Variants in CDS1 observed in about 807,000 individuals in gnomAD.
The protein encoded by CDS1 is phosphatidate cytidylyltransferase 1.
A neutral mutation model predicts 62.1 loss-of-function variants in CDS1; 41 were observed. That is an observed-to-expected ratio of 0.66 (90% CI 0.51 to 0.86). CDS1 has a LOEUF of 0.86. CDS1 is among the 40% of genes least tolerant of loss of function. The probability of loss-of-function intolerance (pLI) is 0.00; values close to 1 mark genes in which losing one functional copy is unlikely to be tolerated. For synonymous variants in CDS1, 185 were observed against 192.6 expected (o/e 0.96, Z 0.32); for missense variants, 470 against 550.1 (o/e 0.85, Z 1.46).
intron 2 of CDS1, among the ~76,000 whole-genome samples, chr4:84,609,043 G>A (rs1017262196): frequency 1.3e-5 from 2 of 151,834 alleles, no homozygotes; most frequent in Admixed American, 1.3e-4. Flanking sequence ...GCCGGGTGTG[G>A]TGGCGGGCAC....
chr4:84,640,802 GTTTTTTGTTT>G, intron 9 of CDS1, 26 bp from the exon 10 acceptor site: 1 of 1,465,766 alleles, frequency 6.8e-7, no homozygotes, highest in Non-Finnish European at 9.1e-7. Context: ...CTTTTGCTTT[GTTTTTTGTTT>G]TGTTTTGTTT....
At chr4:84,602,913 C>T (rs532663648) in intron 1 of CDS1, among the ~76,000 whole-genome samples, 1 of 152,030 alleles carries the variant, frequency 6.6e-6, no homozygotes, top group African/African-American at 2.4e-5. Context: ...ATTTAGGGTA[C>T]GTTGACACAT....
chr4:84,627,138 A>G (rs1723887216), intron 5 of CDS1, among the ~76,000 whole-genome samples: 1 of 152,210 alleles, frequency 6.6e-6, no homozygotes, highest in Non-Finnish European at 1.5e-5. Context: ...CAGTGGTCAA[A>G]TGACTTCAGA....
intron 1 of CDS1, among the ~76,000 whole-genome samples, chr4:84,585,400 C>G (rs1015611956): frequency 2.0e-5 from 3 of 152,164 alleles, no homozygotes; most frequent in Non-Finnish European, 4.4e-5. Flanking sequence ...GAACTTTTGA[C>G]TTGGCAAGCT....
intron 2 of CDS1, among the ~76,000 whole-genome samples, chr4:84,606,063 A>G (rs1235586034): frequency 1.3e-5 from 2 of 151,986 alleles, no homozygotes; most frequent in Non-Finnish European, 2.9e-5. Flanking sequence ...AAACTTTTCT[A>G]CAAAGATTAC....
At position 84,601,933 on chromosome 4, in the gene CDS1, G is replaced by GCATA. The variant is rs58079633; in HGVS notation, c.118-2288_118-2285dup. Reference sequence around the variant, plus strand: ...ATCTCAAATAAATAAATACATACATGCATACATACATACATACATACATAC... The same window carrying GCATA: ...ATCTCAAATAAATAAATACATACATGCATACATACATACATACATACATACATAC... On this transcript the variant is annotated intron_variant, in intron 1 of 12. Coordinates refer to ENST00000295887, the MANE Select transcript of CDS1 (RefSeq NM_001263.4). 3.2e-3 allele frequency among the ~76,000 whole-genome samples: 490 copies of GCATA among 151,284 alleles called. 1 individual carries two copies. The highest frequency in any genetic ancestry group is 9.9e-3 in the African/African-American group (410 of 41,236).
At position 84,599,395 on chromosome 4, in the gene CDS1, CACACACACACATATATAT is replaced by C. The variant is rs1265749210; in HGVS notation, c.118-4846_118-4829del. The stretch of plus-strand genomic sequence containing the variant: ...GCAAATATAATTTGGCAAATTTTGA[CACACACACACATATATAT>C]ATATATATATATATATATATATATA... On this transcript the variant is annotated intron_variant, in intron 1 of 12. Coordinates refer to ENST00000295887, the MANE Select transcript of CDS1 (RefSeq NM_001263.4). 2.9e-3 allele frequency among the ~76,000 whole-genome samples: 348 copies of C among 121,616 alleles called. 5 individuals carry two copies. Among genetic ancestry groups the C allele is most frequent in the African/African-American group, 0.011 (337 of 29,830 alleles). The allele number at this position is 121,616 out of a possible 152,430, so 79.8% of individuals were successfully genotyped here.
intron 1 of CDS1, among the ~76,000 whole-genome samples, chr4:84,587,954 A>T (rs986907615): frequency 2.0e-5 from 3 of 152,228 alleles, no homozygotes; most frequent in Non-Finnish European, 4.4e-5. Flanking sequence ...GAGAACCTTC[A>T]GAGAAGGCCA....
In CDS1 at chr4:84,604,236, A is replaced by G. The variant is rs778118578; in HGVS notation, c.118-7A>G. The G allele has an allele frequency of 6.2e-7, 1 of 1,603,498 alleles. No homozygotes were observed. The highest frequency in any genetic ancestry group is 1.1e-5 in the South Asian group (1 of 88,440). On this transcript the variant is annotated splice_region_variant and splice_polypyrimidine_tract_variant and intron_variant, in intron 1 of 12. Transcript: ENST00000295887. ...TTTTGCAAAGTAATTTGTCTTTTTA[A>G]TTTTAGGAAACAGATATTGATGACA...
At chr4:84,624,132 G>C (rs969258269) in intron 5 of CDS1, among the ~76,000 whole-genome samples, 5 of 151,558 alleles carry the variant, frequency 3.3e-5, no homozygotes, top group Non-Finnish European at 4.4e-5. Flanking sequence ...AAATTAGCTG[G>C]GCGTGGTGGT....
At chr4:84,639,036 T>C (rs1232216620) in intron 9 of CDS1, 44 bp downstream of exon 9, 3 of 921,598 alleles carry the variant, frequency 3.3e-6, no homozygotes, top group East Asian at 2.7e-5. Context: ...TTTCGAAATA[T>C]GATACCAAGC....
At chr4:84,635,899 G>A (rs1421182872) in intron 8 of CDS1, among the ~76,000 whole-genome samples, 2 of 151,394 alleles carry the variant, frequency 1.3e-5, no homozygotes, top group Admixed American at 6.6e-5. Context: ...TGGGGCTTCA[G>A]GTGCATGCCA....
At position 84,643,058 on chromosome 4, in the gene CDS1, G is replaced by A. The variant is rs1724439558; in HGVS notation, c.1067G>A (p.Ser356Asn). 1 of 1,612,906 alleles carries A rather than the reference G, an allele frequency of 6.2e-7. No individual in the cohort carries two copies. Among genetic ancestry groups the A allele is most frequent in the East Asian group, 2.2e-5 (1 of 44,880 alleles). ...AGCTTGTACCCTTTCCAGATCCACA[G>A]CATTGCACTGTCAACCTTTGCATCT... Reference protein sequence around the residue: ...RVSLYPFQIHSIALSTFASLI... With the variant: ...RVSLYPFQIHNIALSTFASLI... The change falls in exon 11 of 13, where the codon AGC becomes AAC. Residue 356 changes from serine (S) to asparagine (N), a missense_variant. Around this residue, in one of 5 missense-constraint regions of CDS1, gnomAD observed 214 missense variants for 242.4 expected, o/e 0.88. Transcript: ENST00000295887.
intron 8 of CDS1, 55 bp from the exon 9 acceptor site, chr4:84,638,869 A>ATT: frequency 1.9e-6 from 1 of 513,902 alleles, no homozygotes; most frequent in South Asian, 3.6e-5. Flanking sequence ...ATATATATAT[A>ATT]TTGTGAGTTT....
intron 5 of CDS1, among the ~76,000 whole-genome samples, chr4:84,627,807 TATTAATGA>T (rs1168867362): frequency 5.3e-5 from 8 of 152,152 alleles, no homozygotes; most frequent in Non-Finnish European, 1.5e-5. Flanking sequence ...TATCAGAGGA[TATTAATGA>T]AATCTTTAGA....
intron 11 of CDS1, among the ~76,000 whole-genome samples, 191 bp downstream of exon 11, chr4:84,643,334 A>G (rs1724452630): frequency 6.6e-6 from 1 of 152,188 alleles, no homozygotes; most frequent in Non-Finnish European, 1.5e-5. Context: ...TTGTCATACC[A>G]TGTTAATACA....
At chr4:84,624,291 C>CAAA (rs36093550) in intron 5 of CDS1, among the ~76,000 whole-genome samples, 1 of 119,624 alleles carries the variant, frequency 8.4e-6, no homozygotes. Flanking sequence ...AAAAAACAAA[C>CAAA]AAAAAAAAAA....
At chr4:84,602,134 C>T (rs996451656) in intron 1 of CDS1, among the ~76,000 whole-genome samples, 3 of 152,148 alleles carry the variant, frequency 2.0e-5, no homozygotes, top group African/African-American at 7.2e-5. Context: ...AAAACAAGGG[C>T]CCCTGCTACT....
chr4:84,646,677 C>T (rs1724567114), intron 12 of CDS1, among the ~76,000 whole-genome samples: 1 of 152,102 alleles, frequency 6.6e-6, no homozygotes, highest in South Asian at 2.1e-4. Flanking sequence ...TTTTTGAGAT[C>T]TATTCTGTGG....
Sources: gnomAD v4.1 joint callset for allele counts (sites outside exome capture counted in the v4.1 genomes callset) on GRCh38, gnomAD v4.1.1 for gene constraint, gnomAD v4.1.1 regional missense constraint, MANE v1.5 for transcripts, NCBI Gene and HGNC (gene_info 2026-07-23, HGNC 2026-07-21) for gene names.